The following TLE6 variants were observed in gnomAD, a reference collection of about 807,000 sequenced individuals.
TLE6 encodes the protein TLE family member 6, subcortical maternal complex member.
Under a neutral mutation model 77.1 loss-of-function variants are expected in TLE6, and 72 were observed. The ratio of observed to expected loss-of-function variants is 0.93; its 90% CI spans 0.77 to 1.14. The LOEUF (loss-of-function observed/expected upper bound fraction) is 1.14. Among genes scored for constraint, TLE6 ranks in the 50% most tolerant of loss-of-function variants. The pLI is 0.00. For missense variants in TLE6, 843 were observed against 747.6 expected (o/e 1.13, Z -1.49); for synonymous variants, 366 against 287.3 (o/e 1.27, Z -2.77).
chr19:2,991,790 G>A (rs1348076435), intron 13 of TLE6, 53 bp from the exon 14 acceptor site: 11 of 1,583,176 alleles, frequency 6.9e-6, no homozygotes, highest in South Asian at 2.2e-5. Flanking sequence ...GTTTCCGGGG[G>A]CCCAAACCTC....
chr19:2,987,802 G>A lies in TLE6; in HGVS notation c.625+12G>A, dbSNP rs763337384. On this transcript the variant is annotated intron_variant, in intron 9 of 16. Transcript: ENST00000246112. ...TGAAGATGCCTCCAGTAATCCCAGC[G>A]GGCAGGGGCCGACCGACTCCAGGCG... The A allele has an allele frequency of 2.2e-5, 35 of 1,614,032 alleles. No individual in the cohort carries two copies. The highest frequency in any genetic ancestry group is 1.4e-4 in the South Asian group (13 of 91,094).
chr19:2,978,597 A>G (rs1361027694), intron 2 of TLE6, among the ~76,000 whole-genome samples: 1 of 152,090 alleles, frequency 6.6e-6, no homozygotes, highest in Non-Finnish European at 1.5e-5. Flanking sequence ...AAAAAATAAA[A>G]CTAGAAGAAT....
chr19:2,992,060 G>A (rs2089080292), intron 14 of TLE6, 76 bp downstream of exon 14: 2 of 1,556,592 alleles, frequency 1.3e-6, no homozygotes, highest in Non-Finnish European at 1.8e-6. Flanking sequence ...TTGAGGCCGG[G>A]CTCCGTGGCT....
Position 2,981,679 on chromosome 19 carries a change from G to A in TLE6, c.180+96G>A. On this transcript the variant is annotated intron_variant, in intron 4 of 16. Transcript: ENST00000246112. ...CCCTGCCTCCTGAGTGCCCTAGAGA[G>A]GTTCTTTTCCGCCAAGCACTGTGCC... 4 of 1,346,538 alleles carry A rather than the reference G, an allele frequency of 3.0e-6. 1 individual carries two copies. The South Asian group carries it at 5.0e-5, about 17-fold the overall frequency. 83.4% of individuals were successfully genotyped at this position (1,346,538 alleles called of 1,614,324 possible).
rs376939088 is a variant in TLE6 at position 2,991,875 on chromosome 19, G to C, written c.1277G>C (p.Ser426Thr). ...AAGGGTTATCCTGATGGAGTCAAGA[G>C]TATCGTGGTCAAGGGCTACAACATC... is the stretch of plus-strand genomic sequence containing the variant. ...DLKGYPDGVKSIVVKGYNIWT... is the reference protein window; with the variant it reads ...DLKGYPDGVKTIVVKGYNIWT... Residue 426 changes from serine (S) to threonine (T), a missense_variant, in exon 14 of 17, where the codon AGT (serine) becomes ACT (threonine). Coordinates refer to ENST00000246112, the MANE Select transcript of TLE6 (RefSeq NM_001143986.2). 4.3e-6 allele frequency: 7 copies of C among 1,613,788 alleles called. No homozygotes were observed. The highest frequency in any genetic ancestry group is 5.9e-6 in the Non-Finnish European group (7 of 1,179,980).
Position 2,982,156 on chromosome 19 carries a change from G to A in TLE6, c.189G>A (p.Lys63=), listed in dbSNP as rs963416130. The A allele has an allele frequency of 1.9e-6, 3 of 1,551,516 alleles. No homozygotes were observed. Among genetic ancestry groups the A allele is most frequent in the Admixed American group, 2.0e-5 (1 of 50,964 alleles). The change falls in exon 5 of 17, where the codon AAG becomes AAA. Residue 63 remains lysine, a synonymous_variant. Coordinates refer to ENST00000246112, the MANE Select transcript of TLE6 (RefSeq NM_001143986.2). ...CTGTTTTCCCTTTGCAGCTGCACAA[G>A]ATCCAGCAGGATGTGGCAGAACATC... ...ELESIYYSLH[K]IQQDVAEHHK...
At chr19:2,981,662 C>T (rs1354142367) in intron 4 of TLE6, 79 bp downstream of exon 4, 2 of 1,435,414 alleles carry the variant, frequency 1.4e-6, no homozygotes, top group East Asian at 2.5e-5. Flanking sequence ...GGCCCTGCCT[C>T]CTGAGTGCCC....
At position 2,992,135 on chromosome 19, in the gene TLE6, A is replaced by C. The variant is rs904943172; in HGVS notation, c.1386+151A>C. ...TGGATCACCTGAGGTCAGGAGTTTG[A>C]GACCAGCGTGGCCAACATAGTGAAA... On this transcript the variant is annotated intron_variant, in intron 14 of 16. Transcript: ENST00000246112. The C allele has an allele frequency of 3.5e-6, 3 of 854,560 alleles. No individual in the cohort carries two copies. In the African/African-American group the frequency reaches 5.1e-5, roughly 15 times the overall value. The allele number at this position is 854,560 out of a possible 1,614,324, so 52.9% of individuals were successfully genotyped here. A position where few individuals can be genotyped will look rare whatever the true frequency, so the allele number is the denominator to read the frequency against.
Position 2,992,064 on chromosome 19 carries a change from C to G in TLE6, c.1386+80C>G. 2.6e-6 allele frequency: 4 copies of G among 1,543,372 alleles called. No homozygotes were observed. In the South Asian group the frequency reaches 4.7e-5, roughly 18 times the overall value. On this transcript the variant is annotated intron_variant, in intron 14 of 16. Transcript: ENST00000246112. Reference sequence around the variant, plus strand: ...AAAAAATGAGGTTGAGGCCGGGCTCCGTGGCTCACGCCTATAATCCTAGCA... The same window carrying G: ...AAAAAATGAGGTTGAGGCCGGGCTCGGTGGCTCACGCCTATAATCCTAGCA...
At chr19:2,982,485 G>C (rs572174654) in intron 5 of TLE6, among the ~76,000 whole-genome samples, 1 of 149,046 alleles carries the variant, frequency 6.7e-6, no homozygotes, top group Non-Finnish European at 1.5e-5. Context: ...TTGCAGTGAG[G>C]CAAGATCGTG....
intron 11 of TLE6, 116 bp downstream of exon 11, chr19:2,988,244 CT>C: frequency 8.8e-7 from 1 of 1,132,850 alleles, no homozygotes; most frequent in South Asian, 1.5e-5. Context: ...CTTTCTTCCC[CT>C]TTTCCCATCA....
At chr19:2,994,737 G>C (rs763816518) in intron 16 of TLE6, among the ~76,000 whole-genome samples, 163 bp from the exon 17 acceptor site, 1 of 152,192 alleles carries the variant, frequency 6.6e-6, no homozygotes, top group Non-Finnish European at 1.5e-5. Flanking sequence ...CCAGGAGGTC[G>C]AGGCTGCAGC....
intron 13 of TLE6, among the ~76,000 whole-genome samples, chr19:2,991,262 G>GGCAGGAGAATCGCTTGAAC (rs1253718715): frequency 1.3e-5 from 2 of 150,826 alleles, no homozygotes; most frequent in Admixed American, 1.3e-4. Flanking sequence ...GGGAGGCTGA[G>GGCAGGAGAATCGCTTGAAC]GCAGGAGAAT....
In TLE6 at chr19:2,978,232, A is replaced by C. The variant is rs1283696567; in HGVS notation, c.-2A>C. 6.4e-6 allele frequency: 10 copies of C among 1,551,368 alleles called. No individual in the cohort carries two copies. The highest frequency in any genetic ancestry group is 1.4e-5 in the African/African-American group (1 of 73,042). ...AAAGTCTTGGAGGCTACTGCCTTGA[A>C]GATGACCTCTAGGGACCAGCCCAGA... On this transcript the variant is annotated 5_prime_UTR_variant, in exon 2 of 17. Transcript: ENST00000246112.
At chr19:2,985,041 A>G (rs1254412408) in intron 5 of TLE6, among the ~76,000 whole-genome samples, 1 of 151,524 alleles carries the variant, frequency 6.6e-6, no homozygotes, top group Middle Eastern at 3.2e-3. Context: ...ACCTGACGTC[A>G]GGAGTTCGAG....
chr19:2,983,726 G>A (rs2088846809), intron 5 of TLE6, among the ~76,000 whole-genome samples: 1 of 152,106 alleles, frequency 6.6e-6, no homozygotes, highest in Non-Finnish European at 1.5e-5. Flanking sequence ...GCTTCAGACA[G>A]AGGGCAGGCC....
chr19:2,994,941 C>T lies in TLE6; in HGVS notation c.1656C>T (p.Ser552=), dbSNP rs1199870328. Residue 552 remains serine (S), a synonymous_variant, in exon 17 of 17, where the codon TCC becomes TCT. Transcript: ENST00000246112. ...CAGTCACGTGCTGTGACGTCTCTTC[C>T]AACAACCGCCTCGTTGTCACAGGCT... ...MSPVTCCDVS[S]NNRLVVTGSG... is the part of the protein sequence containing the mutation. 2 of 1,608,332 alleles carry T rather than the reference C, an allele frequency of 1.2e-6. No individual in the cohort carries two copies. The highest frequency in any genetic ancestry group is 1.7e-6 in the Non-Finnish European group (2 of 1,177,734).
intron 3 of TLE6, among the ~76,000 whole-genome samples, chr19:2,981,125 G>A (rs986533924): frequency 3.0e-4 from 46 of 152,016 alleles, no homozygotes; most frequent in Non-Finnish European, 5.3e-4. Flanking sequence ...TTGGGAGGCC[G>A]AGGTGGGCGG....
At position 2,987,915 on chromosome 19, in the gene TLE6, G is replaced by T. The variant is rs1476433145; in HGVS notation, c.643G>T (p.Ala215Ser). Reference sequence around the variant, plus strand: ...CCCACTAGCCCCCAGGCCACCTGAGGCCTCCTCCAGTCCCCCTGAGGGTTC... The same window carrying T: ...CCCACTAGCCCCCAGGCCACCTGAGTCCTCCTCCAGTCCCCCTGAGGGTTC... ...EDASTPRPPE[A>S]SSSPPEGSQD... The change falls in exon 10 of 17, where the codon GCC (alanine) becomes TCC (serine). Residue 215 changes from alanine to serine, a missense_variant. Physicochemically the swap from Ala to Ser is moderately conservative, Grantham distance 99 (BLOSUM62 1). Coordinates refer to ENST00000246112, the MANE Select transcript of TLE6 (RefSeq NM_001143986.2). 6.2e-7 allele frequency: 1 copy of T among 1,609,968 alleles called. No homozygotes were observed.
Sources: allele counts gnomAD v4.1 joint callset (sites outside exome capture counted in the v4.1 genomes callset), GRCh38; gene constraint gnomAD v4.1.1; transcripts MANE v1.5; gene names NCBI Gene and HGNC (gene_info 2026-07-23, HGNC 2026-07-21).